The following HDAC4 variants were observed in gnomAD, a reference collection of about 807,000 sequenced individuals.
HDAC4 encodes the protein histone deacetylase A.
HDAC4 carries 16 observed loss-of-function variants against 135.1 expected under a neutral mutation model. That is an observed-to-expected ratio of 0.12 (90% CI 0.08 to 0.18). The LOEUF (loss-of-function observed/expected upper bound fraction) is 0.18, where lower values mean the gene tolerates loss of function less well. Ranked by LOEUF, HDAC4 falls within the 10% of genes least tolerant of loss-of-function variation. HDAC4 has a pLI of 1.00. For missense variants in HDAC4, 1,143 were observed against 1,511.8 expected, an observed-to-expected ratio of 0.76 and a Z score of 4.05; for synonymous variants, 685 against 653.4, an observed-to-expected ratio of 1.05 and a Z score of -0.74.
intron 2 of HDAC4, among the ~76,000 whole-genome samples, chr2:239,237,949 C>G (rs1266022983): frequency 6.6e-6 from 1 of 152,166 alleles, no homozygotes; most frequent in Non-Finnish European, 1.5e-5. Context: ...TATTCGGAGG[C>G]AAAACAGTTC....
chr2:239,396,885 A>C (rs920448704), intron 1 of HDAC4, among the ~76,000 whole-genome samples: 1 of 152,276 alleles, frequency 6.6e-6, no homozygotes, highest in Non-Finnish European at 1.5e-5. Flanking sequence ...CTCCGGCTGA[A>C]GTGGACTTGG....
intron 9 of HDAC4, among the ~76,000 whole-genome samples, chr2:239,138,831 G>A (rs986614313): frequency 3.3e-5 from 5 of 152,210 alleles, no homozygotes; most frequent in African/African-American, 4.8e-5. Context: ...GGCAGGGGGC[G>A]CAAAGGAGCT....
intron 4 of HDAC4, 136 bp from the exon 5 acceptor site, chr2:239,176,699 A>C (rs1006360966): frequency 4.2e-6 from 3 of 712,842 alleles, no homozygotes; most frequent in Non-Finnish European, 7.0e-6. Context: ...CCTGCCCTGC[A>C]CTGCTGCTAT....
At chr2:239,378,895 G>C (rs939070754) in intron 1 of HDAC4, among the ~76,000 whole-genome samples, 3 of 152,152 alleles carry the variant, frequency 2.0e-5, no homozygotes, top group African/African-American at 7.2e-5. Flanking sequence ...AGGCCTCCTC[G>C]AAGACTGCCA....
Position 239,053,014 on chromosome 2 carries a change from C to CGCA in HDAC4, c.*80_*82dup, listed in dbSNP as rs368338590. The CGCA allele has an allele frequency of 6.5e-7, 1 of 1,532,142 alleles. No individual in the cohort carries two copies. Among genetic ancestry groups the CGCA allele is most frequent in the South Asian group, 1.1e-5 (1 of 89,516 alleles). The allele number at this position is 1,532,142 out of a possible 1,614,324, so 94.9% of individuals were successfully genotyped here. Reference sequence around the variant, plus strand: ...GCTCCAAGAGAGCCCCACGGTGGGACGCAGGCGTGACACGGGAAAGTTTCT... The same window carrying CGCA: ...GCTCCAAGAGAGCCCCACGGTGGGACGCAGCAGGCGTGACACGGGAAAGTTTCT... On this transcript the variant is annotated 3_prime_UTR_variant, in exon 27 of 27. Coordinates refer to ENST00000543185, the MANE Select transcript of HDAC4 (RefSeq NM_001378414.1).
At chr2:239,063,120 A>G (rs2033001306) in intron 24 of HDAC4, among the ~76,000 whole-genome samples, 1 of 151,638 alleles carries the variant, frequency 6.6e-6, no homozygotes, top group South Asian at 2.1e-4. Context: ...GGGGTCACGC[A>G]CCCAGGGGTC....
At chr2:239,162,356 A>C (rs981505073) in intron 6 of HDAC4, 3 of 455,928 alleles carry the variant, frequency 6.6e-6, no homozygotes, top group African/African-American at 2.0e-5. Context: ...CTGGCTCCTC[A>C]TCCTGCCCTT....
At chr2:239,377,086 G>A (rs1695063801) in intron 1 of HDAC4, among the ~76,000 whole-genome samples, 1 of 152,082 alleles carries the variant, frequency 6.6e-6, no homozygotes, top group South Asian at 2.1e-4. Flanking sequence ...CCAGCCTGCG[G>A]GGCCTCTGCC....
intron 14 of HDAC4, among the ~76,000 whole-genome samples, chr2:239,110,101 C>T (rs1050255138): frequency 2.6e-5 from 4 of 152,160 alleles, no homozygotes; most frequent in African/African-American, 4.8e-5. Context: ...AACAGAGTCC[C>T]GTCTCTGTGA....
rs536923477 is a variant in HDAC4 at position 239,262,912 on chromosome 2, C to T, written c.23-26248G>A. ...TGGATCCCTCACTGGAAGGTCACGG[C>T]ACCACTGAGACAGCCTGGAAGCTTC... On this transcript the variant is annotated intron_variant, in intron 2 of 26. Coordinates refer to ENST00000543185, the MANE Select transcript of HDAC4 (RefSeq NM_001378414.1). This position sits in a 1 kb window ranked among gnomAD's most constrained non-coding sequence, Gnocchi z 4.1. Among the ~76,000 whole-genome samples the T allele has an allele frequency of 1.6e-4, 24 of 152,038 alleles. 1 individual carries two copies. The highest frequency in any genetic ancestry group is 3.2e-3 in the Middle Eastern group (1 of 316).
intron 16 of HDAC4, among the ~76,000 whole-genome samples, chr2:239,096,500 CA>C (rs1277268855): frequency 8.0e-5 from 10 of 125,200 alleles, no homozygotes; most frequent in Non-Finnish European, 1.2e-4. Flanking sequence ...GCCCCGCCCC[CA>C]TGGACACCCA....
chr2:239,090,423 T>C (rs915392711), intron 17 of HDAC4, among the ~76,000 whole-genome samples: 1 of 145,720 alleles, frequency 6.9e-6, no homozygotes, highest in Non-Finnish European at 1.5e-5. Context: ...GTCAAGGTGA[T>C]CTATTTCCTT....
chr2:239,141,757 C>T lies in HDAC4; in HGVS notation c.866-1961G>A, dbSNP rs2041392128. Among the ~76,000 whole-genome samples the T allele has an allele frequency of 6.6e-6, 1 of 152,178 alleles. No individual in the cohort carries two copies. Among genetic ancestry groups the T allele is most frequent in the African/African-American group, 2.4e-5 (1 of 41,434 alleles). On this transcript the variant is annotated intron_variant, in intron 8 of 26. Coordinates refer to ENST00000543185, the MANE Select transcript of HDAC4 (RefSeq NM_001378414.1). This position sits in a 1 kb window ranked among gnomAD's most constrained non-coding sequence, Gnocchi z 4.9. ...GTGTCGTCAGATAAATACCCTCACGCATGTGCCTGGGGAGTCCGGACAACT... is the reference window on the plus strand; with the variant it reads ...GTGTCGTCAGATAAATACCCTCACGTATGTGCCTGGGGAGTCCGGACAACT...
In HDAC4 at chr2:239,139,716, T is replaced by C. The variant is rs2041224018; in HGVS notation, c.946A>G (p.Ile316Val). The change falls in exon 9 of 27, where the codon ATC (isoleucine) becomes GTC (valine). Residue 316 changes from isoleucine (I) to valine (V), a missense_variant. Physicochemically the swap from Ile to Val is conservative, Grantham distance 29 (BLOSUM62 3). Around this residue, in one of 9 missense-constraint regions of HDAC4, gnomAD observed 272 missense variants for 309.7 expected, o/e 0.88. Coordinates refer to ENST00000543185, the MANE Select transcript of HDAC4 (RefSeq NM_001378414.1). This position sits in a 1 kb window ranked among gnomAD's most constrained non-coding sequence, Gnocchi z 5.3. ...GGGATGCTGGGGACGGCGGGCGCGA[T>C]ACCGTTCTCCGCGCTGACGCTCCCG... is the stretch of plus-strand genomic sequence containing the variant. ...SSGSVSAENG[I>V]APAVPSIPAE... The C allele has an allele frequency of 6.2e-7, 1 of 1,614,094 alleles. No individual in the cohort carries two copies. The highest frequency in any genetic ancestry group is 2.2e-5 in the East Asian group (1 of 44,876).
rs1256668884 is a variant in HDAC4 at position 239,146,934 on chromosome 2, C to T, written c.734-2220G>A. On this transcript the variant is annotated intron_variant, in intron 7 of 26. Transcript: ENST00000543185. The surrounding 1 kb of genome is among the most constrained non-coding windows in gnomAD (Gnocchi z 4.5). Reference sequence around the variant, plus strand: ...CCCTGATTCTAGCCGACTGCACGTCCCTGGTCGACTCTGCCTGCAGGGTGG... The same window carrying T: ...CCCTGATTCTAGCCGACTGCACGTCTCTGGTCGACTCTGCCTGCAGGGTGG... Among the ~76,000 whole-genome samples, 1 of 152,236 alleles carries T rather than the reference C, an allele frequency of 6.6e-6. No homozygotes were observed. Among genetic ancestry groups the T allele is most frequent in the Non-Finnish European group, 1.5e-5 (1 of 68,038 alleles).
intron 4 of HDAC4, among the ~76,000 whole-genome samples, chr2:239,185,545 G>A (rs1157624143): frequency 6.6e-6 from 1 of 152,044 alleles, no homozygotes; most frequent in East Asian, 1.9e-4. Flanking sequence ...GTGCCTCCTG[G>A]GGAGAGATGC....
At position 239,189,590 on chromosome 2, in the gene HDAC4, G is replaced by T. The variant is rs574881399; in HGVS notation, c.339+243C>A. Among the ~76,000 whole-genome samples the T allele has an allele frequency of 2.0e-5, 3 of 152,278 alleles. No individual in the cohort carries two copies. In the South Asian group the frequency reaches 6.2e-4, roughly 32 times the overall value. ...AGGCGATAAGCATTTTTCCTATTTG[G>T]AATATGCTTCCACTCAATGACTTTG... On this transcript the variant is annotated intron_variant, in intron 4 of 26. Coordinates refer to ENST00000543185, the MANE Select transcript of HDAC4 (RefSeq NM_001378414.1).
intron 2 of HDAC4, among the ~76,000 whole-genome samples, chr2:239,293,854 C>T (rs1429215470): frequency 6.6e-6 from 1 of 152,240 alleles, no homozygotes; most frequent in Non-Finnish European, 1.5e-5. Context: ...GGCGAGAACG[C>T]CAGCCTCCTT....
intron 2 of HDAC4, among the ~76,000 whole-genome samples, chr2:239,294,493 C>A (rs1210514916): frequency 1.3e-5 from 2 of 152,082 alleles, no homozygotes. Flanking sequence ...GAAACTAAGT[C>A]CCCGTTGAAG....
Sources: allele counts gnomAD v4.1 joint callset (sites outside exome capture counted in the v4.1 genomes callset), GRCh38; gene constraint gnomAD v4.1.1; regional missense constraint gnomAD v4.1.1; non-coding constraint Gnocchi (gnomAD v3.1); transcripts MANE v1.5; gene names NCBI Gene and HGNC (gene_info 2026-07-23, HGNC 2026-07-21).